UGT1A9: variants seen among roughly 807,000 people sequenced by gnomAD.
The protein encoded by UGT1A9 is UDP glucuronosyltransferase family 1 member A9.
UGT1A9 carries 35 observed loss-of-function variants against 45.0 expected under a neutral mutation model. The ratio of observed to expected loss-of-function variants is 0.78; its 90% CI spans 0.59 to 1.03. UGT1A9 has a LOEUF of 1.03. Ranked by LOEUF, UGT1A9 falls within the 50% of genes least tolerant of loss-of-function variation. The pLI, the probability that UGT1A9 is intolerant of heterozygous loss-of-function variation, is 0.00. For synonymous variants in UGT1A9, 278 were observed against 250.6 expected (o/e 1.11, Z -1.03); for missense variants, 687 against 666.6 (o/e 1.03, Z -0.34).
chr2:233,697,047 G>T (rs2075371720), intron 1 of UGT1A9, among the ~76,000 whole-genome samples: 1 of 150,766 alleles, frequency 6.6e-6, no homozygotes, highest in Admixed American at 6.6e-5. Context: ...CTTTTTTTTT[G>T]TTGTGTCCTT....
Position 233,768,455 on chromosome 2 carries a change from CAGA to C in UGT1A9, c.1295+21_1295+23del, listed in dbSNP as rs1237588109. On this transcript the variant is annotated intron_variant, in intron 4 of 4. Transcript: ENST00000354728. The stretch of plus-strand genomic sequence containing the variant: ...ATGACAAAAGGTAAGAAAGAAGATA[CAGA>C]AGAATACTTTGGTCATGGCATTCAT... 4 of 1,610,124 alleles carry C rather than the reference CAGA, an allele frequency of 2.5e-6. No homozygotes were observed. The African/African-American group carries it at 5.4e-5, about 22-fold the overall frequency.
In UGT1A9 at chr2:233,748,102, A is replaced by G. The variant is rs1693867397; in HGVS notation, c.856-18932A>G. On this transcript the variant is annotated intron_variant, in intron 1 of 4. Coordinates refer to ENST00000354728, the MANE Select transcript of UGT1A9 (RefSeq NM_021027.3). Reference sequence around the variant, plus strand: ...CAGGTCGGTGTTCGTGCCTTCATCCAATCAATGTTCCAGGCAAAACAGTTT... The same window carrying G: ...CAGGTCGGTGTTCGTGCCTTCATCCGATCAATGTTCCAGGCAAAACAGTTT... The G allele has an allele frequency of 3.7e-6, 6 of 1,612,660 alleles. No homozygotes were observed. The Admixed American group carries it at 5.0e-5, about 13-fold the overall frequency.
intron 1 of UGT1A9, among the ~76,000 whole-genome samples, chr2:233,698,809 G>A (rs898183693): frequency 2.6e-5 from 4 of 152,220 alleles, no homozygotes; most frequent in Non-Finnish European, 2.9e-5. Flanking sequence ...TCCCAGCCTC[G>A]CCTTGTGGAA....
chr2:233,721,801 A>T, intron 1 of UGT1A9: 1 of 514,724 alleles, frequency 1.9e-6, no homozygotes, highest in Non-Finnish European at 3.9e-6. Context: ...AAGCACATGC[A>T]GCAAAAATCC....
At chr2:233,763,355 T>C (rs1340050072) in intron 1 of UGT1A9, among the ~76,000 whole-genome samples, 1 of 152,264 alleles carries the variant, frequency 6.6e-6, no homozygotes, top group Non-Finnish European at 1.5e-5. Context: ...ACATCTTTAG[T>C]ACTCCTTTGT....
intron 1 of UGT1A9, among the ~76,000 whole-genome samples, chr2:233,727,543 C>T (rs1033335466): frequency 1.3e-5 from 2 of 152,154 alleles, no homozygotes; most frequent in Admixed American, 6.5e-5. Context: ...GTGTTCCACC[C>T]GTCACCTGGG....
chr2:233,754,938 G>A lies in UGT1A9; in HGVS notation c.856-12096G>A, dbSNP rs1338582901. ...CAGCGGGTTTCCCAAGAGGTCAAAG[G>A]AGAATGGGTCCCGGCCGCCAAAGAA... On this transcript the variant is annotated intron_variant, in intron 1 of 4. Coordinates refer to ENST00000354728, the MANE Select transcript of UGT1A9 (RefSeq NM_021027.3). 4 of 1,337,850 alleles carry A rather than the reference G, an allele frequency of 3.0e-6. No individual in the cohort carries two copies. The South Asian group carries it at 4.6e-5, about 15-fold the overall frequency. The allele number at this position is 1,337,850 out of a possible 1,614,324, so 82.9% of individuals were successfully genotyped here.
At chr2:233,702,598 G>A (rs546581826) in intron 1 of UGT1A9, among the ~76,000 whole-genome samples, 2 of 152,156 alleles carry the variant, frequency 1.3e-5, no homozygotes, top group South Asian at 4.1e-4. Context: ...GAGATTTTTT[G>A]AGTAGATGCC....
chr2:233,712,795 G>A (rs551571775), intron 1 of UGT1A9, among the ~76,000 whole-genome samples: 4 of 152,284 alleles, frequency 2.6e-5, no homozygotes, highest in South Asian at 2.1e-4. Context: ...AGGAGTGATC[G>A]GTCTTTCCCA....
intron 1 of UGT1A9, among the ~76,000 whole-genome samples, chr2:233,710,802 C>T (rs187867245): frequency 5.3e-4 from 80 of 152,332 alleles, no homozygotes; most frequent in Non-Finnish European, 9.6e-4. Context: ...TTGTACCCCT[C>T]GTGCCCTATC....
chr2:233,689,176 AGGTGCCCCTGGAACT>A (rs1354231899), intron 1 of UGT1A9, among the ~76,000 whole-genome samples: 1 of 152,222 alleles, frequency 6.6e-6, no homozygotes, highest in Non-Finnish European at 1.5e-5. Flanking sequence ...CTACTAGGAC[AGGTGCCCCTGGAACT>A]GTCTGGCTGG....
At chr2:233,718,654 G>A in intron 1 of UGT1A9, 1 of 1,516,140 alleles carries the variant, frequency 6.6e-7, no homozygotes, top group African/African-American at 1.4e-5. Context: ...CATAACGAAA[G>A]GCAGTTATAG....
At chr2:233,762,623 C>A (rs1698115974) in intron 1 of UGT1A9, among the ~76,000 whole-genome samples, 1 of 152,126 alleles carries the variant, frequency 6.6e-6, no homozygotes, top group Non-Finnish European at 1.5e-5. Flanking sequence ...GTTGTGACCT[C>A]AAACACTTCC....
chr2:233,749,394 A>T (rs1364997409), intron 1 of UGT1A9, among the ~76,000 whole-genome samples: 1 of 151,918 alleles, frequency 6.6e-6, no homozygotes, highest in African/African-American at 2.4e-5. Flanking sequence ...CAATGTGAAC[A>T]TATTCTCTAG....
At position 233,767,074 on chromosome 2, in the gene UGT1A9, T is replaced by C. The variant is rs747099261; in HGVS notation, c.896T>C (p.Ile299Thr). Residue 299 changes from isoleucine to threonine, a missense_variant, in exon 2 of 5, where the codon ATT becomes ACT. Transcript: ENST00000354728. The part of the protein sequence containing the change: ...AYINASGEHG[I>T]VVFSLGSMVS... ...ATTAATGCTTCTGGAGAACATGGAA[T>C]TGTGGTTTTCTCTTTGGGATCAATG... is the stretch of plus-strand genomic sequence containing the variant. 2.5e-6 allele frequency: 4 copies of C among 1,614,130 alleles called. No individual in the cohort carries two copies. The highest frequency in any genetic ancestry group is 1.1e-5 in the South Asian group (1 of 91,076).
At chr2:233,701,057 T>C (rs935589404) in intron 1 of UGT1A9, among the ~76,000 whole-genome samples, 12 of 152,198 alleles carry the variant, frequency 7.9e-5, no homozygotes, top group African/African-American at 2.9e-4. Flanking sequence ...ACTCATAATT[T>C]TTTATGGCTG....
At chr2:233,692,850 T>A in intron 1 of UGT1A9, 1 of 1,458,738 alleles carries the variant, frequency 6.9e-7, no homozygotes, top group South Asian at 1.5e-5. Context: ...AATATTAATT[T>A]GGGTTCTTAC....
chr2:233,760,180 T>C (rs1376949252), intron 1 of UGT1A9: 1 of 1,548,272 alleles, frequency 6.5e-7, no homozygotes, highest in Non-Finnish European at 8.7e-7. Flanking sequence ...GACAGCTTTT[T>C]ATAGTCACGT....
intron 1 of UGT1A9, among the ~76,000 whole-genome samples, chr2:233,687,284 C>T (rs901760088): frequency 6.6e-6 from 1 of 152,148 alleles, no homozygotes; most frequent in African/African-American, 2.4e-5. Context: ...CTCTTCAGAA[C>T]AACATGGTGA....
Sources: allele counts gnomAD v4.1 joint callset (sites outside exome capture counted in the v4.1 genomes callset), GRCh38; gene constraint gnomAD v4.1.1; transcripts MANE v1.5; gene names NCBI Gene and HGNC (gene_info 2026-07-23, HGNC 2026-07-21).